ATG12: variants seen among roughly 807,000 people sequenced by gnomAD.
The protein encoded by ATG12 is autophagy related 12.
Under a neutral mutation model 17.6 loss-of-function variants are expected in ATG12, and 19 were observed. The observed-to-expected ratio is 1.08, with a 90% CI of 0.75 to 1.58. ATG12 has a LOEUF of 1.58. Ranked by LOEUF, ATG12 falls within the 40% of genes most tolerant of loss-of-function variation. The probability of loss-of-function intolerance (pLI) is 0.00; values close to 1 mark genes in which losing one functional copy is unlikely to be tolerated. For missense variants in ATG12, 214 were observed against 162.0 expected, an observed-to-expected ratio of 1.32 and a Z score of -1.74; for synonymous variants, 75 against 62.4, an observed-to-expected ratio of 1.20 and a Z score of -0.95.
intron 1 of ATG12, chr5:115,838,125 G>A (rs1028639791): frequency 5.7e-6 from 1 of 175,036 alleles, no homozygotes; most frequent in African/African-American, 2.4e-5. Flanking sequence ...AATTACCAGT[G>A]TAGATGATAC....
At chr5:115,841,161 A>C in intron 1 of ATG12, 1 of 527,512 alleles carries the variant, frequency 1.9e-6, no homozygotes, top group South Asian at 1.9e-5. Context: ...TATAAAAATA[A>C]GTGTGGCAGC....
chr5:115,835,233 A>G (rs542179025), intron 2 of ATG12: 8 of 152,162 alleles, frequency 5.3e-5, no homozygotes, highest in Admixed American at 2.0e-4. Context: ...TTATAGGTGT[A>G]TATTTCTGGC....
In ATG12 at chr5:115,837,412, G is replaced by A. The variant is rs545407336; in HGVS notation, c.300+216C>T. Among the ~76,000 whole-genome samples, 8 of 151,874 alleles carry A rather than the reference G, an allele frequency of 5.3e-5. No individual in the cohort carries two copies. The South Asian group carries it at 1.7e-3, about 32-fold the overall frequency. On this transcript the variant is annotated intron_variant, in intron 2 of 3. Coordinates refer to ENST00000509910, the MANE Select transcript of ATG12 (RefSeq NM_004707.4). ...GGCAGGAGAATCGCTTGAACCAGGA[G>A]GAGAAGGTTGCAGTGTGTCACTGCA...
At chr5:115,835,052 G>A (rs1761034500) in intron 2 of ATG12, 1 of 151,606 alleles carries the variant, frequency 6.6e-6, no homozygotes, top group African/African-American at 2.4e-5. Flanking sequence ...CGTTGTTTAT[G>A]TTCCTCCTAC....
At chr5:115,836,473 G>C (rs937730487) in intron 2 of ATG12, among the ~76,000 whole-genome samples, 1 of 152,102 alleles carries the variant, frequency 6.6e-6, no homozygotes, top group Non-Finnish European at 1.5e-5. Context: ...TCATTCCCCT[G>C]ACTTTTCCAT....
Position 115,831,638 on chromosome 5 carries a change from G to A in ATG12, c.*166C>T, listed in dbSNP as rs1760874101. 2 of 675,366 alleles carry A rather than the reference G, an allele frequency of 3.0e-6. No homozygotes were observed. Among genetic ancestry groups the A allele is most frequent in the African/African-American group, 1.8e-5 (1 of 54,534 alleles). The allele number at this position is 675,366 out of a possible 1,614,324, so 41.8% of individuals were successfully genotyped here. ...GCATTAATACAAATCACATTTTTCT[G>A]AGTCCATTCATGCTATGGATGTTTT... On this transcript the variant is annotated 3_prime_UTR_variant, in exon 4 of 4. Transcript: ENST00000509910.
In ATG12 at chr5:115,841,290, G is replaced by C. The variant is rs148994890; in HGVS notation, c.163+100C>G. 95 of 1,500,460 alleles carry C rather than the reference G, an allele frequency of 6.3e-5. 2 individuals are homozygous for C. The East Asian group carries it at 2.1e-3, about 33-fold the overall frequency. 92.9% of individuals were successfully genotyped at this position (1,500,460 alleles called of 1,614,324 possible). A position where few individuals can be genotyped will look rare whatever the true frequency, so the allele number is the denominator to read the frequency against. On this transcript the variant is annotated intron_variant, in intron 1 of 3. Transcript: ENST00000509910. ...ATGACTGGTCAAAATGCAGGTCTAG[G>C]ACAGGCGCTCCTCTAAATTTTGCTT...
Position 115,828,902 on chromosome 5 carries a change from C to G in ATG12, c.*2902G>C, listed in dbSNP as rs778731325. The stretch of plus-strand genomic sequence containing the variant: ...TTTATGAGAGAAAGGGTATCTTCTC[C>G]TTGAATGATTCAGATAGCCTTTAAA... On this transcript the variant is annotated 3_prime_UTR_variant, in exon 4 of 4. Coordinates refer to ENST00000509910, the MANE Select transcript of ATG12 (RefSeq NM_004707.4). The G allele has an allele frequency of 6.6e-6, 1 of 152,098 alleles. No individual in the cohort carries two copies. Among genetic ancestry groups the G allele is most frequent in the Non-Finnish European group, 1.5e-5 (1 of 68,014 alleles). The allele number at this position is 152,098 out of a possible 1,614,324, so 9.4% of individuals were successfully genotyped here. A position where few individuals can be genotyped will look rare whatever the true frequency, so the allele number is the denominator to read the frequency against.
At chr5:115,837,860 A>C in intron 1 of ATG12, 96 bp from the exon 2 acceptor site, 1 of 1,013,904 alleles carries the variant, frequency 9.9e-7, no homozygotes, top group South Asian at 2.1e-5. Context: ...TTTAATCTAC[A>C]TCCATCTTAC....
Position 115,831,407 on chromosome 5 carries a change from G to C in ATG12, c.*397C>G, listed in dbSNP as rs1561449626. 1.0e-5 allele frequency: 2 copies of C among 199,938 alleles called. No homozygotes were observed. The highest frequency in any genetic ancestry group is 4.8e-5 in the African/African-American group (2 of 42,028). The allele number at this position is 199,938 out of a possible 1,614,324, so 12.4% of individuals were successfully genotyped here. A position where few individuals can be genotyped will look rare whatever the true frequency, so the allele number is the denominator to read the frequency against. The stretch of plus-strand genomic sequence containing the variant: ...ATGTGACTAAAAAGGTAAACATAGA[G>C]ATAAATGTAAACATTAAAAAAAAAG... On this transcript the variant is annotated 3_prime_UTR_variant, in exon 4 of 4. Coordinates refer to ENST00000509910, the MANE Select transcript of ATG12 (RefSeq NM_004707.4).
intron 2 of ATG12, among the ~76,000 whole-genome samples, chr5:115,836,729 A>T (rs758072932): frequency 3.9e-5 from 6 of 152,214 alleles, no homozygotes; most frequent in Non-Finnish European, 5.9e-5. Context: ...CTGAGTTAAT[A>T]CTATCCAAGA....
chr5:115,841,335 T>C (rs776450823), intron 1 of ATG12, 55 bp downstream of exon 1: 1 of 1,605,280 alleles, frequency 6.2e-7, no homozygotes, highest in Non-Finnish European at 8.5e-7. Flanking sequence ...CCGCCACCCC[T>C]ACTCGGATGC....
At position 115,831,202 on chromosome 5, in the gene ATG12, T is replaced by C. The variant is rs1027066991; in HGVS notation, c.*602A>G. 6.6e-6 allele frequency: 1 copy of C among 152,300 alleles called. No homozygotes were observed. Among genetic ancestry groups the C allele is most frequent in the African/African-American group, 2.4e-5 (1 of 41,454 alleles). 9.4% of individuals were successfully genotyped at this position (152,300 alleles called of 1,614,324 possible). On this transcript the variant is annotated 3_prime_UTR_variant, in exon 4 of 4. Coordinates refer to ENST00000509910, the MANE Select transcript of ATG12 (RefSeq NM_004707.4). ...TTAAGCCATGTGTATTGTGTAAAAT[T>C]ACAGTCTTTCAGTCTGTCCTATGTG...
Position 115,832,254 on chromosome 5 carries a change from G to C in ATG12, c.363+348C>G, listed in dbSNP as rs1428376793. Reference sequence around the variant, plus strand: ...CTGTTTTCTCAATTTCTTGTAGGCAGATTTGGATAACAGATTATAAGAACA... The same window carrying C: ...CTGTTTTCTCAATTTCTTGTAGGCACATTTGGATAACAGATTATAAGAACA... On this transcript the variant is annotated intron_variant, in intron 3 of 3. Transcript: ENST00000509910. 2.0e-5 allele frequency among the ~76,000 whole-genome samples: 3 copies of C among 152,060 alleles called. No homozygotes were observed. The East Asian group carries it at 5.8e-4, about 29-fold the overall frequency.
At position 115,841,228 on chromosome 5, in the gene ATG12, G is replaced by A. The variant is rs1304143628; in HGVS notation, c.163+162C>T. On this transcript the variant is annotated intron_variant, in intron 1 of 3. Transcript: ENST00000509910. ...ATGGTATTTTAACACTCAACTTAAA[G>A]GCCTTAAAAATCAAAAAGTACACTT... 3.4e-6 allele frequency: 3 copies of A among 876,340 alleles called. No individual in the cohort carries two copies. In the African/African-American group the frequency reaches 5.2e-5, roughly 15 times the overall value. 54.3% of individuals were successfully genotyped at this position (876,340 alleles called of 1,614,324 possible).
At chr5:115,832,478 C>T (rs1478172057) in intron 3 of ATG12, 124 bp downstream of exon 3, 16 of 1,147,510 alleles carry the variant, frequency 1.4e-5, no homozygotes, top group Non-Finnish European at 1.8e-5. Context: ...CATGCCATCT[C>T]TTGAAATAAA....
At chr5:115,840,081 T>C (rs1406825199) in intron 1 of ATG12, among the ~76,000 whole-genome samples, 3 of 152,216 alleles carry the variant, frequency 2.0e-5, no homozygotes, top group Non-Finnish European at 2.9e-5. Context: ...GAACGTCCGC[T>C]CTTGCCTATA....
intron 2 of ATG12, chr5:115,833,532 T>A (rs1430119685): frequency 6.6e-6 from 1 of 152,172 alleles, no homozygotes; most frequent in Non-Finnish European, 1.5e-5. Flanking sequence ...ATCCTGGCTT[T>A]ACAAATAATC....
At chr5:115,841,250 ACTT>A (rs1761451300) in intron 1 of ATG12, 137 bp downstream of exon 1, 3 of 1,141,216 alleles carry the variant, frequency 2.6e-6, no homozygotes, top group African/African-American at 1.6e-5. Context: ...CAAAAAGTAC[ACTT>A]CTTTTCTTCT....
Sources: gnomAD v4.1 joint callset for allele counts (sites outside exome capture counted in the v4.1 genomes callset) on GRCh38, gnomAD v4.1.1 for gene constraint, MANE v1.5 for transcripts, NCBI Gene and HGNC (gene_info 2026-07-23, HGNC 2026-07-21) for gene names.